The following PLCE1 variants were observed in gnomAD, a reference collection of about 807,000 sequenced individuals.
PLCE1 encodes 1-phosphatidylinositol 4,5-bisphosphate phosphodiesterase epsilon-1.
PLCE1 carries 119 observed loss-of-function variants against 242.8 expected under a neutral mutation model. That is an observed-to-expected ratio of 0.49 (90% CI 0.42 to 0.57). PLCE1 has a LOEUF of 0.57. PLCE1 is among the 20% of genes least tolerant of loss of function. The pLI, the probability that PLCE1 is intolerant of heterozygous loss-of-function variation, is 0.00. For missense variants in PLCE1, 2,441 were observed against 2,788.8 expected (o/e 0.88, Z 2.81); for synonymous variants, 945 against 1,017.4 (o/e 0.93, Z 1.35).
intron 19 of PLCE1, among the ~76,000 whole-genome samples, chr10:94,274,990 A>C (rs2051889386): frequency 6.6e-6 from 1 of 152,098 alleles, no homozygotes; most frequent in Non-Finnish European, 1.5e-5. Context: ...TTCTTTATCC[A>C]ACAATTCCTG....
chr10:94,207,949 G>A (rs1041477610), intron 4 of PLCE1, among the ~76,000 whole-genome samples: 16 of 152,252 alleles, frequency 1.1e-4, no homozygotes, highest in African/African-American at 3.1e-4. Context: ...ACAAGGGATT[G>A]TTATTTCTTA....
chr10:94,297,590 TAA>T lies in PLCE1; in HGVS notation c.5168-753_5168-752del, dbSNP rs71031568. On this transcript the variant is annotated intron_variant, in intron 23 of 32. Coordinates refer to ENST00000371380, the MANE Select transcript of PLCE1 (RefSeq NM_016341.4). ...AGGCCTGCCCCAAACTTTAAATTTG[TAA>T]AAAAAAAAAAAAAAAAAAAAAAAAA... Among the ~76,000 whole-genome samples the T allele has an allele frequency of 2.1e-3, 116 of 56,394 alleles. 2 individuals carry two copies. Among genetic ancestry groups the T allele is most frequent in the East Asian group, 9.0e-3 (16 of 1,768 alleles). 37.0% of individuals were successfully genotyped at this position (56,394 alleles called of 152,430 possible).
intron 2 of PLCE1, among the ~76,000 whole-genome samples, chr10:94,122,954 T>C (rs1668867564): frequency 6.6e-6 from 1 of 152,094 alleles, no homozygotes. Context: ...GCTCTAAGTC[T>C]TCAATTATTT....
Position 94,306,601 on chromosome 10 carries a change from C to T in PLCE1, c.5797C>T (p.Leu1933Phe). 6.2e-7 allele frequency: 1 copy of T among 1,613,934 alleles called. No homozygotes were observed. The highest frequency in any genetic ancestry group is 8.5e-7 in the Non-Finnish European group (1 of 1,179,810). Residue 1933 changes from leucine (L) to phenylalanine (F), a missense_variant, in exon 26 of 33, where the codon CTT becomes TTT. Around this residue, in one of 5 missense-constraint regions of PLCE1, gnomAD observed 1,004 missense variants for 1,322.7 expected, o/e 0.76. Transcript: ENST00000371380. The surrounding 1 kb of genome is among the most constrained non-coding windows in gnomAD (Gnocchi z 5.7). ...QFLFHVHFED[L>F]VFLRFAVVEN... Reference sequence around the variant, plus strand: ...TCTGTTCCACGTTCACTTCGAAGATCTTGTATTTCTTCGTTTTGCAGTTGT... The same window carrying T: ...TCTGTTCCACGTTCACTTCGAAGATTTTGTATTTCTTCGTTTTGCAGTTGT...
rs561440960 is a variant in PLCE1, at chr10:94,236,178, A to G, written c.2420+58A>G. The stretch of plus-strand genomic sequence containing the variant: ...CATCTCTTCTTTTTTCCTGTTGATG[A>G]GTTGTTTCCTACTTCAGCTTAGTTT... On this transcript the variant is annotated intron_variant, in intron 7 of 32. Transcript: ENST00000371380. 10 of 1,433,794 alleles carry G rather than the reference A, an allele frequency of 7.0e-6. No homozygotes were observed. In the South Asian group the frequency reaches 1.2e-4, roughly 17 times the overall value. 88.8% of individuals were successfully genotyped at this position (1,433,794 alleles called of 1,614,324 possible).
chr10:94,257,134 A>G (rs2051127535), intron 11 of PLCE1, among the ~76,000 whole-genome samples: 1 of 152,172 alleles, frequency 6.6e-6, no homozygotes, highest in Admixed American at 6.5e-5. Flanking sequence ...GTGCTCTTTC[A>G]TTGCTGAAGG....
chr10:94,283,940 C>G, intron 21 of PLCE1, 29 bp downstream of exon 21: 1 of 1,604,832 alleles, frequency 6.2e-7, no homozygotes, highest in Non-Finnish European at 8.5e-7. Flanking sequence ...TTAAATGACA[C>G]TTTGACCATG....
chr10:94,257,772 G>T (rs1013818762), intron 11 of PLCE1, among the ~76,000 whole-genome samples: 2 of 152,162 alleles, frequency 1.3e-5, no homozygotes, highest in Non-Finnish European at 2.9e-5. Flanking sequence ...GGCCTGTTGT[G>T]GGGTGGAGGG....
At chr10:94,098,602 C>G (rs2045403196) in intron 2 of PLCE1, among the ~76,000 whole-genome samples, 1 of 152,130 alleles carries the variant, frequency 6.6e-6, no homozygotes, top group Admixed American at 6.5e-5. Flanking sequence ...CAGATGAGGT[C>G]CAAATATTAC....
intron 4 of PLCE1, among the ~76,000 whole-genome samples, chr10:94,220,374 TTTTATATATA>T (rs2049685446): frequency 2.6e-5 from 1 of 38,396 alleles, no homozygotes; most frequent in Admixed American, 3.9e-4. Flanking sequence ...AAACTAAACA[TTTTATATATA>T]TATATATATA....
chr10:94,174,448 T>C (rs2048069785), intron 4 of PLCE1, among the ~76,000 whole-genome samples: 1 of 152,176 alleles, frequency 6.6e-6, no homozygotes, highest in African/African-American at 2.4e-5. Flanking sequence ...GTAAGTTTGA[T>C]GAGAAATAGG....
rs968397784 is a variant in PLCE1 at position 94,330,548 on chromosome 10, T to A, written c.*2605T>A. On this transcript the variant is annotated 3_prime_UTR_variant, in exon 33 of 33. Coordinates refer to ENST00000371380, the MANE Select transcript of PLCE1 (RefSeq NM_016341.4). Reference sequence around the variant, plus strand: ...AGCTGGGTACTAAAAATACAAAAATTAGTGGTGGTGGGCACCTGTAAATCC... The same window carrying A: ...AGCTGGGTACTAAAAATACAAAAATAAGTGGTGGTGGGCACCTGTAAATCC... 6.6e-6 allele frequency: 1 copy of A among 151,678 alleles called. No homozygotes were observed. Among genetic ancestry groups the A allele is most frequent in the Non-Finnish European group, 1.5e-5 (1 of 67,930 alleles). 9.4% of individuals were successfully genotyped at this position (151,678 alleles called of 1,614,324 possible).
At chr10:94,021,881 A>G (rs1402950735) in intron 1 of PLCE1, among the ~76,000 whole-genome samples, 1 of 152,148 alleles carries the variant, frequency 6.6e-6, no homozygotes, top group African/African-American at 2.4e-5. Flanking sequence ...ATTTTCAGCA[A>G]ACTAGGAACA....
In PLCE1 at chr10:94,332,415, G is replaced by A. The variant is rs1327697449; in HGVS notation, c.*4472G>A. 6.6e-6 allele frequency: 1 copy of A among 152,050 alleles called. No homozygotes were observed. Among genetic ancestry groups the A allele is most frequent in the Non-Finnish European group, 1.5e-5 (1 of 68,028 alleles). The allele number at this position is 152,050 out of a possible 1,614,324, so 9.4% of individuals were successfully genotyped here. A position where few individuals can be genotyped will look rare whatever the true frequency, so the allele number is the denominator to read the frequency against. Reference sequence around the variant, plus strand: ...CACCCCACTCTTAAGTGCCAGCATAGTGCTAAACACACAGTAGGTGCTCAT... The same window carrying A: ...CACCCCACTCTTAAGTGCCAGCATAATGCTAAACACACAGTAGGTGCTCAT... On this transcript the variant is annotated 3_prime_UTR_variant, in exon 33 of 33. Transcript: ENST00000371380.
At chr10:94,033,605 A>G (rs2061605854) in intron 2 of PLCE1, among the ~76,000 whole-genome samples, 1 of 152,084 alleles carries the variant, frequency 6.6e-6, no homozygotes. Context: ...CCAGATTTCC[A>G]GGTCCTCTGA....
chr10:94,015,845 A>G lies in PLCE1; in HGVS notation c.-364-14838A>G, dbSNP rs144715019. Reference sequence around the variant, plus strand: ...AGCTCTATTTGGCCGAATGAAATATAAACTATCACCTAACCCTAGTAAATT... The same window carrying G: ...AGCTCTATTTGGCCGAATGAAATATGAACTATCACCTAACCCTAGTAAATT... On this transcript the variant is annotated intron_variant, in intron 1 of 32. Coordinates refer to ENST00000371380, the MANE Select transcript of PLCE1 (RefSeq NM_016341.4). Among the ~76,000 whole-genome samples, 532 of 152,344 alleles carry G rather than the reference A, an allele frequency of 3.5e-3. 3 individuals are homozygous for G. Among genetic ancestry groups the G allele is most frequent in the Non-Finnish European group, 5.8e-3 (396 of 68,030 alleles).
intron 4 of PLCE1, among the ~76,000 whole-genome samples, chr10:94,219,457 C>G (rs1250212255): frequency 3.3e-5 from 5 of 152,148 alleles, no homozygotes; most frequent in Non-Finnish European, 7.3e-5. Flanking sequence ...CTCTCAACAG[C>G]TCCAGGCTCA....
intron 2 of PLCE1, among the ~76,000 whole-genome samples, chr10:94,032,845 T>C (rs1349697479): frequency 1.3e-5 from 2 of 152,140 alleles, no homozygotes; most frequent in Non-Finnish European, 2.9e-5. Context: ...TAGGTGCTTC[T>C]TTATTAATAC....
chr10:94,025,229 A>T (rs1446295010), intron 1 of PLCE1, among the ~76,000 whole-genome samples: 1 of 151,996 alleles, frequency 6.6e-6, no homozygotes, highest in Non-Finnish European at 1.5e-5. Flanking sequence ...ATTGCAAACC[A>T]CTTTGCTTAT....
Sources: gnomAD v4.1 joint callset for allele counts (sites outside exome capture counted in the v4.1 genomes callset) on GRCh38, gnomAD v4.1.1 for gene constraint, gnomAD v4.1.1 regional missense constraint, Gnocchi (gnomAD v3.1) non-coding constraint, MANE v1.5 for transcripts, NCBI Gene and HGNC (gene_info 2026-07-23, HGNC 2026-07-21) for gene names.